SCG3: variants seen among roughly 807,000 people sequenced by gnomAD.
The protein encoded by SCG3 is secretogranin-3.
Under a neutral mutation model 56.2 loss-of-function variants are expected in SCG3, and 38 were observed. That is an observed-to-expected ratio of 0.68 (90% confidence interval 0.52 to 0.89). SCG3 has a LOEUF of 0.89. SCG3 is among the 40% of genes least tolerant of loss of function. The pLI is 0.00. For missense variants in SCG3, 524 were observed against 540.7 expected, an observed-to-expected ratio of 0.97 and a Z score of 0.31; for synonymous variants, 176 against 184.2, an observed-to-expected ratio of 0.96 and a Z score of 0.36.
intron 10 of SCG3, among the ~76,000 whole-genome samples, chr15:51,702,282 A>G (rs1373540385): frequency 6.6e-6 from 1 of 152,040 alleles, no homozygotes; most frequent in Non-Finnish European, 1.5e-5. Context: ...TTTGCAGTGG[A>G]GTCTCCCTCT....
At chr15:51,699,097 G>A (rs1384673961) in intron 8 of SCG3, among the ~76,000 whole-genome samples, 1 of 152,178 alleles carries the variant, frequency 6.6e-6, no homozygotes, top group Admixed American at 6.5e-5. Context: ...TCTGCAATTA[G>A]CTGAGTAGGA....
At chr15:51,709,666 T>TATATATATAG (rs1264558323) in intron 10 of SCG3, among the ~76,000 whole-genome samples, 7 of 5,596 alleles carry the variant, frequency 1.3e-3, no homozygotes, top group Non-Finnish European at 2.4e-3. Context: ...CTATGCCATA[T>TATATATATAG]ATATATATAT....
chr15:51,683,238 CA>C lies in SCG3; in HGVS notation c.203del (p.Asn68ThrfsTer8), dbSNP rs2055206369. 6.2e-7 allele frequency: 1 copy of C among 1,613,438 alleles called. No homozygotes were observed. Among genetic ancestry groups the C allele is most frequent in the Non-Finnish European group, 8.5e-7 (1 of 1,179,732 alleles). On this transcript the variant is annotated frameshift_variant, in exon 4 of 12. Transcript: ENST00000220478. LOFTEE classifies it high-confidence loss of function. ...YPPENKPGQS[N>X]YSFVDNLNLL... ...TTCCAGAAAACAAGCCAGGTCAGAG[CA>C]ACTATTCTTTTGTTGATAACTTGAA...
intron 4 of SCG3, among the ~76,000 whole-genome samples, chr15:51,685,466 T>C (rs10519318): frequency 0.021 from 3,223 of 152,322 alleles, 88 homozygotes; most frequent in East Asian, 0.094. Context: ...TGTTTGGAAC[T>C]ACAAAGTGCT....
intron 9 of SCG3, among the ~76,000 whole-genome samples, chr15:51,700,399 A>G (rs2055331405): frequency 6.6e-6 from 1 of 152,230 alleles, no homozygotes; most frequent in African/African-American, 2.4e-5. Flanking sequence ...ATGTATTACA[A>G]TTGTTTTCAA....
In SCG3 at chr15:51,683,451, G is replaced by A. The variant is rs746733048; in HGVS notation, c.397+17G>A. The A allele has an allele frequency of 1.3e-6, 2 of 1,548,156 alleles. No individual in the cohort carries two copies. Among genetic ancestry groups the A allele is most frequent in the South Asian group, 2.4e-5 (2 of 82,976 alleles). On this transcript the variant is annotated intron_variant, in intron 4 of 11. Transcript: ENST00000220478. ...AATTTCAAGGTAAATGAGAAAAAAA[G>A]AACTTTTTGTTAACGTGGAGTTTCC...
intron 10 of SCG3, among the ~76,000 whole-genome samples, chr15:51,702,668 T>C (rs2055347144): frequency 6.6e-6 from 1 of 152,224 alleles, no homozygotes; most frequent in South Asian, 2.1e-4. Context: ...TGGGATCTAG[T>C]TGTACAGTTC....
At chr15:51,692,967 C>A (rs1446149938) in intron 7 of SCG3, among the ~76,000 whole-genome samples, 1 of 152,054 alleles carries the variant, frequency 6.6e-6, no homozygotes, top group Non-Finnish European at 1.5e-5. Flanking sequence ...CTATCACCAC[C>A]ATGCTGTACA....
intron 10 of SCG3, among the ~76,000 whole-genome samples, chr15:51,706,412 T>C (rs2141575698): frequency 6.6e-6 from 1 of 152,260 alleles, no homozygotes; most frequent in South Asian, 2.1e-4. Flanking sequence ...CATGCACACA[T>C]ATCCCGCTTG....
chr15:51,686,524 C>A (rs866675707), intron 4 of SCG3, among the ~76,000 whole-genome samples: 60 of 152,294 alleles, frequency 3.9e-4, no homozygotes, highest in African/African-American at 1.4e-3. Context: ...AATTCTTCCA[C>A]CTCTGCATAG....
intron 7 of SCG3, 80 bp downstream of exon 7, chr15:51,692,416 T>C: frequency 2.3e-6 from 3 of 1,329,982 alleles, no homozygotes. Flanking sequence ...TTTCTTCCTG[T>C]TTTCAGTTTC....
chr15:51,705,089 G>A (rs1223521089), intron 10 of SCG3, among the ~76,000 whole-genome samples: 1 of 151,918 alleles, frequency 6.6e-6, no homozygotes. Context: ...TATGATCTGA[G>A]ACAGAGAACC....
At position 51,689,373 on chromosome 15, in the gene SCG3, G is replaced by C. The variant is rs557583431; in HGVS notation, c.690+5G>C. On this transcript the variant is annotated splice_donor_5th_base_variant and intron_variant, in intron 6 of 11. Coordinates refer to ENST00000220478, the MANE Select transcript of SCG3 (RefSeq NM_013243.4). ...GGAAAAATACCAGAGAAAGTGGTAT[G>C]TATGTGTATATATGCATATGCATGG... 9.9e-5 allele frequency: 159 copies of C among 1,609,844 alleles called. No individual in the cohort carries two copies. In the South Asian group the frequency reaches 1.7e-3, roughly 17 times the overall value.
At chr15:51,686,980 C>T (rs1043836529) in intron 4 of SCG3, among the ~76,000 whole-genome samples, 2 of 152,144 alleles carry the variant, frequency 1.3e-5, no homozygotes. Context: ...ATCCCCAAAA[C>T]CCATGGAAGA....
chr15:51,704,950 G>A (rs148570153), intron 10 of SCG3, among the ~76,000 whole-genome samples: 63 of 151,782 alleles, frequency 4.2e-4, no homozygotes, highest in African/African-American at 1.5e-3. Flanking sequence ...CCAATCGTGT[G>A]CAAGAGTTCC....
At chr15:51,712,116 T>C (rs2055424599) in intron 10 of SCG3, among the ~76,000 whole-genome samples, 1 of 152,164 alleles carries the variant, frequency 6.6e-6, no homozygotes, top group Admixed American at 6.5e-5. Context: ...AAAATGGGGA[T>C]GATAATAAGA....
chr15:51,699,528 G>A, intron 9 of SCG3, 126 bp downstream of exon 9: 1 of 709,120 alleles, frequency 1.4e-6, no homozygotes, highest in South Asian at 1.9e-5. Flanking sequence ...CTGAAACGCA[G>A]CCATAGGATT....
intron 4 of SCG3, among the ~76,000 whole-genome samples, chr15:51,685,363 A>G (rs2055221782): frequency 6.6e-6 from 1 of 152,254 alleles, no homozygotes. Flanking sequence ...CTTGTTGTAC[A>G]TGCAGGCAGA....
intron 8 of SCG3, among the ~76,000 whole-genome samples, chr15:51,697,255 A>T (rs2055309705): frequency 7.0e-6 from 1 of 143,164 alleles, no homozygotes; most frequent in Non-Finnish European, 1.5e-5. Context: ...TTCACAGTAG[A>T]CCAAAGACAC....
Sources: allele counts gnomAD v4.1 joint callset (sites outside exome capture counted in the v4.1 genomes callset), GRCh38; gene constraint gnomAD v4.1.1; transcripts MANE v1.5; gene names NCBI Gene and HGNC (gene_info 2026-07-23, HGNC 2026-07-21).